GLYATL2: variants seen among roughly 807,000 people sequenced by gnomAD.
The protein encoded by GLYATL2 is glycine-N-acyltransferase like 2.
Under a neutral mutation model 21.4 loss-of-function variants are expected in GLYATL2, and 25 were observed. The observed-to-expected ratio is 1.17, with a 90% confidence interval of 0.85 to 1.63. The LOEUF (loss-of-function observed/expected upper bound fraction) is 1.63, where lower values mean the gene tolerates loss of function less well. Ranked by LOEUF, GLYATL2 falls within the 40% of genes most tolerant of loss-of-function variation. The pLI is 0.00. For synonymous variants in GLYATL2, 114 were observed against 118.2 expected (o/e 0.96, Z 0.23); for missense variants, 361 against 343.3 (o/e 1.05, Z -0.41).
At chr11:58,903,493 T>G (rs1355592301) in intron 1 of GLYATL2, among the ~76,000 whole-genome samples, 1 of 152,008 alleles carries the variant, frequency 6.6e-6, no homozygotes, top group African/African-American at 2.4e-5. Context: ...GCCAACATGG[T>G]GAAACTCCAT....
chr11:58,840,794 G>T (rs528178247), intron 1 of GLYATL2: 1 of 149,000 alleles, frequency 6.7e-6, no homozygotes, highest in Non-Finnish European at 1.5e-5. Flanking sequence ...ATCTGATATC[G>T]CACCACTGCA....
Position 58,834,683 on chromosome 11 carries a change from G to T in GLYATL2, c.631C>A (p.Leu211Ile). Reference sequence around the variant, plus strand: ...TGTTCCATCACAATCCAAGAGACAAGCTGGCCCTCTGGACCCAGCACACCA... The same window carrying T: ...TGTTCCATCACAATCCAAGAGACAATCTGGCCCTCTGGACCCAGCACACCA... ...GFGVLGPEGQ[L>I]VSWIVMEQSC... Residue 211 changes from leucine (L) to isoleucine (I), a missense_variant, in exon 6 of 6, where the codon CTT becomes ATT. By Grantham distance (5) the Leu-to-Ile change is conservative. Transcript: ENST00000287275. The T allele has an allele frequency of 1.2e-6, 2 of 1,613,478 alleles. No homozygotes were observed. Among genetic ancestry groups the T allele is most frequent in the Non-Finnish European group, 1.7e-6 (2 of 1,179,958 alleles).
intron 1 of GLYATL2, among the ~76,000 whole-genome samples, chr11:58,865,910 T>C (rs1336115263): frequency 6.7e-6 from 1 of 149,056 alleles, no homozygotes; most frequent in African/African-American, 2.4e-5. Flanking sequence ...CTTTGTAGTA[T>C]AGCCAAAGTT....
intron 1 of GLYATL2, among the ~76,000 whole-genome samples, chr11:58,897,936 CTT>C (rs1854662559): frequency 6.6e-6 from 1 of 151,908 alleles, no homozygotes; most frequent in African/African-American, 2.4e-5. Context: ...ACATTTTTTT[CTT>C]TTGAAAAGGA....
At chr11:58,898,811 C>CG (rs1318634336) in intron 1 of GLYATL2, among the ~76,000 whole-genome samples, 1 of 151,910 alleles carries the variant, frequency 6.6e-6, no homozygotes, top group Non-Finnish European at 1.5e-5. Context: ...TCAACCTGGG[C>CG]GACAGTGCAA....
chr11:58,847,319 G>A, upstream of GLYATL2, among the ~76,000 whole-genome samples: 1 of 152,188 alleles, frequency 6.6e-6, no homozygotes, highest in East Asian at 1.9e-4. Flanking sequence ...AATGTGGAAG[G>A]AGAAGTAAAG....
chr11:58,842,009 G>A (rs372957294), intron 1 of GLYATL2, among the ~76,000 whole-genome samples: 21 of 152,226 alleles, frequency 1.4e-4, no homozygotes, highest in African/African-American at 5.1e-4. Context: ...GCTCAAAAAA[G>A]GCATTTCTCT....
At chr11:58,870,115 A>C (rs1424048564) in intron 1 of GLYATL2, among the ~76,000 whole-genome samples, 2 of 152,096 alleles carry the variant, frequency 1.3e-5, no homozygotes, top group African/African-American at 2.4e-5. Flanking sequence ...AAAAAAAAAA[A>C]TTACAGGCAG....
chr11:58,837,508 A>G (rs2134569922), intron 3 of GLYATL2, 111 bp from the exon 4 acceptor site: 1 of 1,027,320 alleles, frequency 9.7e-7, no homozygotes, highest in East Asian at 2.5e-5. Flanking sequence ...TGTTTTTCTG[A>G]GACAGGTGTA....
At position 58,873,550 on chromosome 11, in the gene GLYATL2, A is replaced by G. The variant is rs543290315; in HGVS notation, n.60+30606T>C. Among the ~76,000 whole-genome samples the G allele has an allele frequency of 1.1e-4, 17 of 151,930 alleles. No individual in the cohort carries two copies. The East Asian group carries it at 3.1e-3, about 28-fold the overall frequency. ...CTGCATCTATTGAGATAATCATGTGATTTTTGTCTTTGGTTCTGTTTATAT... is the reference window on the plus strand; with the variant it reads ...CTGCATCTATTGAGATAATCATGTGGTTTTTGTCTTTGGTTCTGTTTATAT... On this transcript the variant is annotated intron_variant and non_coding_transcript_variant, in intron 1 of 4. Transcript: ENST00000533636.
intron 1 of GLYATL2, among the ~76,000 whole-genome samples, chr11:58,857,903 A>T (rs941624708): frequency 6.6e-6 from 1 of 151,394 alleles, no homozygotes; most frequent in Non-Finnish European, 1.5e-5. Flanking sequence ...AAAAAAAAAA[A>T]AAAAAAAAAA....
rs1419396333 is a variant in GLYATL2 at position 58,834,316 on chromosome 11, A to G, written c.*113T>C. 2.4e-6 allele frequency: 2 copies of G among 816,942 alleles called. No individual in the cohort carries two copies. Among genetic ancestry groups the G allele is most frequent in the Non-Finnish European group, 3.8e-6 (2 of 533,196 alleles). 50.6% of individuals were successfully genotyped at this position (816,942 alleles called of 1,614,324 possible). A position where few individuals can be genotyped will look rare whatever the true frequency, so the allele number is the denominator to read the frequency against. ...ACTGTTAAGGGTGAGCTTAAGTAAT[A>G]CACAGATCCTAGATAATCAGTTGCA... On this transcript the variant is annotated 3_prime_UTR_variant, in exon 6 of 6. Transcript: ENST00000287275.
At chr11:58,864,615 G>A (rs1444070435) in intron 1 of GLYATL2, among the ~76,000 whole-genome samples, 2 of 149,288 alleles carry the variant, frequency 1.3e-5, no homozygotes, top group African/African-American at 4.8e-5. Context: ...CTGGTTCCAT[G>A]CCTGTGGGTG....
At chr11:58,885,496 C>T (rs1854420840) in intron 1 of GLYATL2, 2 of 507,168 alleles carry the variant, frequency 3.9e-6, no homozygotes, top group South Asian at 1.5e-5. Context: ...TGCTGGTGGA[C>T]TCCTGGCCCG....
At chr11:58,879,952 G>A (rs778459066) in intron 1 of GLYATL2, among the ~76,000 whole-genome samples, 2 of 151,302 alleles carry the variant, frequency 1.3e-5, no homozygotes, top group Admixed American at 6.6e-5. Flanking sequence ...TCCGCCTCCC[G>A]GGCTCATGCC....
At chr11:58,891,156 G>A (rs1195387197) in intron 1 of GLYATL2, among the ~76,000 whole-genome samples, 1 of 152,038 alleles carries the variant, frequency 6.6e-6, no homozygotes, top group Non-Finnish European at 1.5e-5. Context: ...ATTCTTGAAG[G>A]TTTCTTTAAA....
intron 1 of GLYATL2, among the ~76,000 whole-genome samples, chr11:58,870,599 T>C (rs1385715040): frequency 6.6e-6 from 1 of 152,176 alleles, no homozygotes; most frequent in Non-Finnish European, 1.5e-5. Flanking sequence ...AAGTTTACCC[T>C]ACTTGGGGCA....
chr11:58,892,883 ACTTTTTTGT>A, intron 1 of GLYATL2: 1 of 307,090 alleles, frequency 3.3e-6, no homozygotes, highest in Non-Finnish European at 6.4e-6. Flanking sequence ...TATTCCTTGT[ACTTTTTTGT>A]AATTCACATT....
At chr11:58,874,337 A>C (rs1424385753) in intron 1 of GLYATL2, among the ~76,000 whole-genome samples, 1 of 151,948 alleles carries the variant, frequency 6.6e-6, no homozygotes, top group East Asian at 1.9e-4. Context: ...CTAGCTTTTG[A>C]ATGTGTTTGC....
Sources: allele counts gnomAD v4.1 joint callset (sites outside exome capture counted in the v4.1 genomes callset), GRCh38; gene constraint gnomAD v4.1.1; transcripts MANE v1.5; gene names NCBI Gene and HGNC (gene_info 2026-07-23, HGNC 2026-07-21).